The following C3orf70 variants were observed in gnomAD, a reference collection of about 807,000 sequenced individuals.
C3orf70 encodes chromosome 3 open reading frame 70.
C3orf70 carries 15 observed loss-of-function variants against 20.7 expected under a neutral mutation model. That is an observed-to-expected ratio of 0.72 (90% CI 0.48 to 1.11). The LOEUF (loss-of-function observed/expected upper bound fraction) is 1.11, where lower values mean the gene tolerates loss of function less well. Ranked by LOEUF, C3orf70 falls within the 50% of genes most tolerant of loss-of-function variation. The pLI, the probability that C3orf70 is intolerant of heterozygous loss-of-function variation, is 0.00. For missense variants in C3orf70, 332 were observed against 317.6 expected, an observed-to-expected ratio of 1.05 and a Z score of -0.34; for synonymous variants, 161 against 125.7, an observed-to-expected ratio of 1.28 and a Z score of -1.88.
At chr3:185,087,938 GTC>G (rs58269021) in intron 1 of C3orf70, among the ~76,000 whole-genome samples, 5,502 of 143,370 alleles carry the variant, frequency 0.038, 174 homozygotes, top group African/African-American at 0.085. Context: ...TTGAGATGGA[GTC>G]TCTCTCTGCT....
intron 1 of C3orf70, among the ~76,000 whole-genome samples, chr3:185,106,668 C>T (rs1715948520): frequency 1.3e-5 from 2 of 152,244 alleles, no homozygotes; most frequent in Non-Finnish European, 2.9e-5. Context: ...TCCCTCACCC[C>T]TGTACAATGT....
intron 1 of C3orf70, 148 bp downstream of exon 1, chr3:185,152,480 C>T (rs892757040): frequency 1.1e-5 from 6 of 531,696 alleles, no homozygotes; most frequent in African/African-American, 6.0e-5. Context: ...CCGGCGGGCC[C>T]GGAGCCCACG....
At chr3:185,096,535 A>G (rs1423830521) in intron 1 of C3orf70, among the ~76,000 whole-genome samples, 4 of 152,116 alleles carry the variant, frequency 2.6e-5, no homozygotes, top group African/African-American at 9.7e-5. Flanking sequence ...CCTTCCATAT[A>G]TGCTCTGCCG....
chr3:185,095,735 CT>C (rs756180408), intron 1 of C3orf70, among the ~76,000 whole-genome samples: 5,987 of 127,496 alleles, frequency 0.047, 90 homozygotes, highest in African/African-American at 0.074. Context: ...CATTCTGAAA[CT>C]TTTTTTTTTT....
rs34153305 is a variant in C3orf70, at chr3:185,149,394, CAAAAAA to C, written c.196+3228_196+3233del. On this transcript the variant is annotated intron_variant, in intron 1 of 1. Coordinates refer to ENST00000335012, the MANE Select transcript of C3orf70 (RefSeq NM_001025266.3). ...GCAACAAGAGTGAAACTCTGTCTCC[CAAAAAA>C]AAAAAAAAAAAACAGTAAATACAGT... Among the ~76,000 whole-genome samples the C allele has an allele frequency of 8.6e-5, 9 of 104,390 alleles. 1 individual carries two copies. In the Admixed American group the frequency reaches 8.8e-4, roughly 10 times the overall value. 68.5% of individuals were successfully genotyped at this position (104,390 alleles called of 152,430 possible). A position where few individuals can be genotyped will look rare whatever the true frequency, so the allele number is the denominator to read the frequency against.
intron 1 of C3orf70, among the ~76,000 whole-genome samples, chr3:185,148,358 C>T (rs1035144807): frequency 2.6e-5 from 4 of 152,170 alleles, no homozygotes; most frequent in Non-Finnish European, 5.9e-5. Context: ...CTCAGTATTT[C>T]GTTGTTAGTG....
At chr3:185,113,295 A>C (rs1231192610) in intron 1 of C3orf70, among the ~76,000 whole-genome samples, 1 of 151,876 alleles carries the variant, frequency 6.6e-6, no homozygotes, top group African/African-American at 2.4e-5. Context: ...CAAAAAAGAA[A>C]AAAAGAAAGT....
At position 185,111,008 on chromosome 3, in the gene C3orf70, C is replaced by T. The variant is rs549973174; in HGVS notation, c.197-27445G>A. ...GTGTGTGTGTCTTTAATTCCTCTAG[C>T]GCTGCCGGGTTAGGGTCTCCCTGAC... On this transcript the variant is annotated intron_variant, in intron 1 of 1. Transcript: ENST00000335012. 5.3e-5 allele frequency among the ~76,000 whole-genome samples: 8 copies of T among 152,244 alleles called. No homozygotes were observed. In the East Asian group the frequency reaches 7.7e-4, roughly 15 times the overall value.
At position 185,131,865 on chromosome 3, in the gene C3orf70, A is replaced by G. The variant is rs151335942; in HGVS notation, c.196+20763T>C. ...AAGGCTTCCTACAGATATTGTAAAA[A>G]GAAACTCTCCAAAAAGTTATCATCA... On this transcript the variant is annotated intron_variant, in intron 1 of 1. Transcript: ENST00000335012. Among the ~76,000 whole-genome samples the G allele has an allele frequency of 2.2e-3, 331 of 152,356 alleles. 1 individual carries two copies. The highest frequency in any genetic ancestry group is 7.6e-3 in the African/African-American group (318 of 41,582).
intron 1 of C3orf70, among the ~76,000 whole-genome samples, chr3:185,102,569 A>G (rs1005451524): frequency 6.6e-6 from 1 of 152,208 alleles, no homozygotes. Flanking sequence ...TTTAAAATGC[A>G]CTGGAACCAA....
intron 1 of C3orf70, among the ~76,000 whole-genome samples, chr3:185,104,961 C>A (rs779263815): frequency 6.6e-6 from 1 of 152,100 alleles, no homozygotes; most frequent in Non-Finnish European, 1.5e-5. Context: ...TACCCCTGAA[C>A]TTAAAAAATA....
At chr3:185,086,852 G>C (rs190414186) in intron 1 of C3orf70, among the ~76,000 whole-genome samples, 1 of 152,296 alleles carries the variant, frequency 6.6e-6, no homozygotes, top group East Asian at 1.9e-4. Flanking sequence ...ACAACCTTTA[G>C]TAATCACCTT....
chr3:185,115,683 G>C (rs1240665767), intron 1 of C3orf70, among the ~76,000 whole-genome samples: 6 of 152,146 alleles, frequency 3.9e-5, no homozygotes, highest in Non-Finnish European at 5.9e-5. Context: ...AATCACTTTA[G>C]GCTGCTATAA....
intron 1 of C3orf70, among the ~76,000 whole-genome samples, chr3:185,152,321 AAAAAG>A (rs965025149): frequency 7.9e-5 from 12 of 152,338 alleles, no homozygotes; most frequent in African/African-American, 2.2e-4. Flanking sequence ...TCAAAAAAAG[AAAAAG>A]AAAAGAAAAA....
At chr3:185,087,673 G>A (rs953448902) in intron 1 of C3orf70, among the ~76,000 whole-genome samples, 1 of 152,182 alleles carries the variant, frequency 6.6e-6, no homozygotes. Context: ...GGGGGATGGG[G>A]AGTTGTTGTT....
At chr3:185,105,086 T>A (rs185900501) in intron 1 of C3orf70, among the ~76,000 whole-genome samples, 279 of 152,352 alleles carry the variant, frequency 1.8e-3, no homozygotes, top group African/African-American at 6.5e-3. Flanking sequence ...TCAATTAAAA[T>A]CTACCCAGAA....
chr3:185,143,073 G>A (rs1368748621), intron 1 of C3orf70, among the ~76,000 whole-genome samples: 1 of 152,080 alleles, frequency 6.6e-6, no homozygotes, highest in East Asian at 1.9e-4. Flanking sequence ...GAAAACTATG[G>A]TAGACTGAAT....
chr3:185,125,504 T>A (rs1716392549), intron 1 of C3orf70, among the ~76,000 whole-genome samples: 2 of 152,140 alleles, frequency 1.3e-5, no homozygotes, highest in Non-Finnish European at 2.9e-5. Context: ...TCCTAGGCAT[T>A]TACTCAAGAG....
At chr3:185,115,179 C>T (rs754822709) in intron 1 of C3orf70, among the ~76,000 whole-genome samples, 10 of 152,106 alleles carry the variant, frequency 6.6e-5, no homozygotes, top group Non-Finnish European at 1.0e-4. Flanking sequence ...TCAAGTGACT[C>T]CAATGTACAA....
Sources: allele counts gnomAD v4.1 joint callset (sites outside exome capture counted in the v4.1 genomes callset), GRCh38; gene constraint gnomAD v4.1.1; transcripts MANE v1.5; gene names NCBI Gene and HGNC (gene_info 2026-07-23, HGNC 2026-07-21).